RNF139: variants seen among roughly 807,000 people sequenced by gnomAD.
RNF139 encodes ring finger protein 139.
A neutral mutation model predicts 49.5 loss-of-function variants in RNF139; 15 were observed. The ratio of observed to expected loss-of-function variants is 0.30; its 90% confidence interval spans 0.20 to 0.47. The LOEUF (loss-of-function observed/expected upper bound fraction) is 0.47, where lower values mean the gene tolerates loss of function less well. Ranked by LOEUF, RNF139 falls within the 20% of genes least tolerant of loss-of-function variation. The pLI is 1.00. For synonymous variants in RNF139, 325 were observed against 300.9 expected (o/e 1.08, Z -0.83); for missense variants, 619 against 806.3 (o/e 0.77, Z 2.81).
Position 124,487,318 on chromosome 8 carries a change from TCTG to T in RNF139, c.1672_1674del (p.Ala558del), listed in dbSNP as rs1563633034. 1 of 1,614,106 alleles carries T rather than the reference TCTG, an allele frequency of 6.2e-7. No individual in the cohort carries two copies. Among genetic ancestry groups the T allele is most frequent in the Admixed American group, 1.7e-5 (1 of 60,024 alleles). On this transcript the variant is annotated inframe_deletion, in exon 2 of 2. Coordinates refer to ENST00000303545, the MANE Select transcript of RNF139 (RefSeq NM_007218.4). Reference sequence around the variant, plus strand: ...AATCTGCTATCATGAGTTTACAACATCTGCTCGTATTACACCGTGTAATCATTA... The same window carrying T: ...AATCTGCTATCATGAGTTTACAACATCTCGTATTACACCGTGTAATCATTA...
intron 1 of RNF139, among the ~76,000 whole-genome samples, chr8:124,480,573 G>A (rs868159544): frequency 1.7e-4 from 26 of 152,070 alleles, no homozygotes; most frequent in Non-Finnish European, 3.2e-4. Flanking sequence ...GAGAAGGGGC[G>A]TGGAGCTTCA....
intron 1 of RNF139, 45 bp downstream of exon 1, chr8:124,475,335 C>A (rs1049027619): frequency 1.9e-6 from 3 of 1,569,210 alleles, no homozygotes; most frequent in African/African-American, 2.8e-5. Context: ...CTATGCGGGC[C>A]GAGACGTTCC....
At position 124,484,926 on chromosome 8, in the gene RNF139, A is replaced by G. The variant is rs1208013601; in HGVS notation, c.182-905A>G. Among the ~76,000 whole-genome samples the G allele has an allele frequency of 2.0e-5, 3 of 152,166 alleles. No homozygotes were observed. In the East Asian group the frequency reaches 5.8e-4, roughly 29 times the overall value. ...TCCGAAGGAAACTAGGAGGAAAAAA[A>G]ATGGAATTTTGGACCCTTTGGAGAA... On this transcript the variant is annotated intron_variant, in intron 1 of 1. Transcript: ENST00000303545.
At chr8:124,478,419 C>T (rs1816346754) in intron 1 of RNF139, among the ~76,000 whole-genome samples, 2 of 151,966 alleles carry the variant, frequency 1.3e-5, no homozygotes, top group Non-Finnish European at 1.5e-5. Context: ...GAGTTTGACA[C>T]CAGCTTGGCC....
chr8:124,483,650 G>C (rs989587020), intron 1 of RNF139, among the ~76,000 whole-genome samples: 1 of 151,838 alleles, frequency 6.6e-6, no homozygotes, highest in South Asian at 2.1e-4. Flanking sequence ...ACATGGTCTT[G>C]AACTCCTGGC....
rs1161857992 is a variant in RNF139 at position 124,486,359 on chromosome 8, T to C, written c.710T>C (p.Ile237Thr). 1 of 1,614,176 alleles carries C rather than the reference T, an allele frequency of 6.2e-7. No homozygotes were observed. Among genetic ancestry groups the C allele is most frequent in the Admixed American group, 1.7e-5 (1 of 60,028 alleles). Residue 237 changes from isoleucine to threonine, a missense_variant, in exon 2 of 2, where the codon ATA becomes ACA. Transcript: ENST00000303545. ...DTWKRIRFPD[I>T]LRVFWLTRVT... ...TGGAAGAGGATTCGTTTCCCAGACA[T>C]ACTACGAGTCTTTTGGCTAACAAGA...
chr8:124,480,983 C>T (rs1816398239), intron 1 of RNF139, among the ~76,000 whole-genome samples: 1 of 152,112 alleles, frequency 6.6e-6, no homozygotes, highest in Admixed American at 6.5e-5. Context: ...CTTCATTTAA[C>T]ACCTCTCTGT....
Position 124,487,260 on chromosome 8 carries a change from G to C in RNF139, c.1611G>C (p.Gly537=), listed in dbSNP as rs751676655. The C allele has an allele frequency of 5.0e-6, 8 of 1,613,854 alleles. No homozygotes were observed. In the East Asian group the frequency reaches 1.8e-4, roughly 36 times the overall value. ...TTAATTCACTTCCTGAAATAAAAGG[G>C]AGCCGCTTACAAGAAATAAATGATG... The part of the protein sequence containing the change: ...KKINSLPEIK[G]SRLQEINDVC... The change falls in exon 2 of 2, where the codon GGG becomes GGC. Residue 537 remains glycine, a synonymous_variant. Transcript: ENST00000303545.
In RNF139 at chr8:124,475,172, G is replaced by T; in HGVS notation, c.63G>T (p.Ala21=). ...TGGCCCATCAGCAGGTCTGGGCGGCGCTCGAAGTGGCGCTCCGGGTGCCCT... is the reference window on the plus strand; with the variant it reads ...TGGCCCATCAGCAGGTCTGGGCGGCTCTCGAAGTGGCGCTCCGGGTGCCCT... ...VRMAHQQVWA[A]LEVALRVPCL... The change falls in exon 1 of 2, where the codon GCG becomes GCT. Residue 21 remains alanine (A), a synonymous_variant. Coordinates refer to ENST00000303545, the MANE Select transcript of RNF139 (RefSeq NM_007218.4). 6.2e-7 allele frequency: 1 copy of T among 1,613,428 alleles called. No individual in the cohort carries two copies. Among genetic ancestry groups the T allele is most frequent in the East Asian group, 2.2e-5 (1 of 44,830 alleles).
chr8:124,475,225 A>C lies in RNF139; in HGVS notation c.116A>C (p.Asn39Thr), dbSNP rs369379159. The change falls in exon 1 of 2, where the codon AAC becomes ACC. Residue 39 changes from asparagine (N) to threonine (T), a missense_variant. Asn to Thr is a moderately conservative substitution (Grantham distance 65, BLOSUM62 0). This residue lies in a region of RNF139 where 89 missense variants were observed against 77.5 expected (regional missense o/e 1.15). Transcript: ENST00000303545. ...CTTTACATCATCGACGCCATCTTCA[A>C]CTCCTACCCGGATTCCAGCCAAAGC... ...PCLYIIDAIFNSYPDSSQSRF... is the reference protein window; with the variant it reads ...PCLYIIDAIFTSYPDSSQSRF... 2.6e-5 allele frequency: 42 copies of C among 1,613,338 alleles called. No homozygotes were observed. The highest frequency in any genetic ancestry group is 3.4e-5 in the Non-Finnish European group (40 of 1,179,804).
Position 124,488,161 on chromosome 8 carries a change from G to C in RNF139, c.*517G>C, listed in dbSNP as rs1311071933. ...CCAGAAGCAACTGAGGACCTTTTTT[G>C]AAACTTGAGTAGCAGTGTAATTGAG... On this transcript the variant is annotated 3_prime_UTR_variant, in exon 2 of 2. Coordinates refer to ENST00000303545, the MANE Select transcript of RNF139 (RefSeq NM_007218.4). Among the ~76,000 whole-genome samples, 1 of 152,116 alleles carries C rather than the reference G, an allele frequency of 6.6e-6. No homozygotes were observed. Among genetic ancestry groups the C allele is most frequent in the East Asian group, 1.9e-4 (1 of 5,182 alleles).
Position 124,475,156 on chromosome 8 carries a change from A to G in RNF139, c.47A>G (p.Gln16Arg), listed in dbSNP as rs778858468. The G allele has an allele frequency of 3.7e-6, 6 of 1,611,224 alleles. No individual in the cohort carries two copies. The highest frequency in any genetic ancestry group is 3.3e-5 in the Admixed American group (2 of 59,894). The part of the protein sequence containing the change: ...PPQQQVRMAH[Q>R]QVWAALEVAL... ...CAGCAGCAGGTGCGGATGGCCCATC[A>G]GCAGGTCTGGGCGGCGCTCGAAGTG... Residue 16 changes from glutamine (Q) to arginine (R), a missense_variant, in exon 1 of 2, where the codon CAG becomes CGG. By Grantham distance (43) the Gln-to-Arg change is conservative. Transcript: ENST00000303545.
rs36072676 is a variant in RNF139 at position 124,485,988 on chromosome 8, T to G, written c.339T>G (p.Ala113=). 1.2e-6 allele frequency: 2 copies of G among 1,614,224 alleles called. No individual in the cohort carries two copies. Among genetic ancestry groups the G allele is most frequent in the East Asian group, 2.2e-5 (1 of 44,886 alleles). The change falls in exon 2 of 2, where the codon GCT becomes GCG. Residue 113 remains alanine (A), a synonymous_variant. Transcript: ENST00000303545. ...IDFYGAYNTS[A]FGIELLPRKG... Reference sequence around the variant, plus strand: ...TCTATGGTGCCTACAACACGTCAGCTTTTGGAATTGAGCTGCTTCCTCGAA... The same window carrying G: ...TCTATGGTGCCTACAACACGTCAGCGTTTGGAATTGAGCTGCTTCCTCGAA...
chr8:124,480,155 TC>T lies in RNF139; in HGVS notation c.181+4866del, dbSNP rs1347725248. Among the ~76,000 whole-genome samples the T allele has an allele frequency of 2.6e-5, 4 of 151,020 alleles. No individual in the cohort carries two copies. The East Asian group carries it at 7.8e-4, about 30-fold the overall frequency. ...CCTGTCTCTTAAAAAAAAAAAATAG[TC>T]ATTTCTAAGTGTATTCTTACCTAGA... is the stretch of plus-strand genomic sequence containing the variant. On this transcript the variant is annotated intron_variant, in intron 1 of 1. Coordinates refer to ENST00000303545, the MANE Select transcript of RNF139 (RefSeq NM_007218.4).
At chr8:124,480,150 A>ATATATTTT (rs1563630144) in intron 1 of RNF139, among the ~76,000 whole-genome samples, 1 of 151,990 alleles carries the variant, frequency 6.6e-6, no homozygotes, top group East Asian at 1.9e-4. Flanking sequence ...AAAAAAAAAA[A>ATATATTTT]ATAGTCATTT....
intron 1 of RNF139, among the ~76,000 whole-genome samples, chr8:124,483,676 C>T (rs760938203): frequency 3.9e-5 from 6 of 151,990 alleles, no homozygotes; most frequent in Non-Finnish European, 7.4e-5. Flanking sequence ...GTGATCCACC[C>T]GCCTCAGCCT....
chr8:124,481,460 A>G (rs1454013647), intron 1 of RNF139, among the ~76,000 whole-genome samples: 1 of 152,140 alleles, frequency 6.6e-6, no homozygotes, highest in African/African-American at 2.4e-5. Context: ...TGTAACATGT[A>G]TAGTAAGTTT....
intron 1 of RNF139, among the ~76,000 whole-genome samples, chr8:124,483,181 C>A (rs1816480038): frequency 1.4e-5 from 1 of 72,502 alleles, no homozygotes; most frequent in Non-Finnish European, 3.3e-5. Context: ...GGCCCATTTT[C>A]TTGGGGAATC....
At position 124,486,897 on chromosome 8, in the gene RNF139, A is replaced by C. The variant is rs552507762; in HGVS notation, c.1248A>C (p.Leu416=). Residue 416 remains leucine (L), a synonymous_variant, in exon 2 of 2, where the codon CTA becomes CTC. Coordinates refer to ENST00000303545, the MANE Select transcript of RNF139 (RefSeq NM_007218.4). ...ATGTTCTTTGGCATCACTATGCACT[A>C]AATACATGGTTGTTTGCAGTTACAG... ...LSYVLWHHYA[L]NTWLFAVTAF... is the part of the protein sequence containing the mutation. 1 of 1,614,044 alleles carries C rather than the reference A, an allele frequency of 6.2e-7. No individual in the cohort carries two copies. The highest frequency in any genetic ancestry group is 1.1e-5 in the South Asian group (1 of 91,086).
Sources: gnomAD v4.1 joint callset for allele counts (sites outside exome capture counted in the v4.1 genomes callset) on GRCh38, gnomAD v4.1.1 for gene constraint, gnomAD v4.1.1 regional missense constraint, MANE v1.5 for transcripts, NCBI Gene and HGNC (gene_info 2026-07-23, HGNC 2026-07-21) for gene names.